The following ENPP2 variants were observed in gnomAD, a reference collection of about 807,000 sequenced individuals.
The protein encoded by ENPP2 is ectonucleotide pyrophosphatase/phosphodiesterase 2, also known as autotaxin.
A neutral mutation model predicts 120.2 loss-of-function variants in ENPP2; 51 were observed. The ratio of observed to expected loss-of-function variants is 0.42; its 90% CI spans 0.34 to 0.54. ENPP2 has a LOEUF of 0.54. ENPP2 is among the 20% of genes least tolerant of loss of function. The probability of loss-of-function intolerance (pLI) is 0.04; values close to 1 mark genes in which losing one functional copy is unlikely to be tolerated. For synonymous variants in ENPP2, 365 were observed against 366.4 expected (o/e 1.00, Z 0.04); for missense variants, 920 against 1,066.5 (o/e 0.86, Z 1.91).
intron 1 of ENPP2, among the ~76,000 whole-genome samples, chr8:119,660,812 G>C (rs182558963): frequency 1.3e-5 from 2 of 152,300 alleles, no homozygotes; most frequent in East Asian, 3.9e-4. Context: ...TAGTGCGAAA[G>C]TGGTCATGAA....
Position 119,621,040 on chromosome 8 carries a change from G to A in ENPP2, c.418+354C>T, listed in dbSNP as rs186205610. Among the ~76,000 whole-genome samples, 80 of 152,216 alleles carry A rather than the reference G, an allele frequency of 5.3e-4. 1 individual carries two copies. Among genetic ancestry groups the A allele is most frequent in the Non-Finnish European group, 1.0e-3 (69 of 68,016 alleles). ...TCCCTATCCTGCTTCCCTTTCCTCCGACATGGTTTTCCTGCAGTATATCCG... is the reference window on the plus strand; with the variant it reads ...TCCCTATCCTGCTTCCCTTTCCTCCAACATGGTTTTCCTGCAGTATATCCG... On this transcript the variant is annotated intron_variant, in intron 4 of 24. Coordinates refer to ENST00000075322, the MANE Select transcript of ENPP2 (RefSeq NM_001040092.3).
At chr8:119,600,333 A>AT (rs926085868) in intron 11 of ENPP2, among the ~76,000 whole-genome samples, 10 of 151,960 alleles carry the variant, frequency 6.6e-5, no homozygotes, top group African/African-American at 2.4e-4. Flanking sequence ...TCATCTCAAG[A>AT]TTTTTTTCCA....
At chr8:119,602,261 CA>C (rs1814366780) in intron 9 of ENPP2, among the ~76,000 whole-genome samples, 1 of 152,034 alleles carries the variant, frequency 6.6e-6, no homozygotes, top group South Asian at 2.1e-4. Context: ...AGTTCGAGAC[CA>C]GCCTGACCAG....
chr8:119,564,796 C>T lies in ENPP2; in HGVS notation c.2264+27G>A, dbSNP rs182590000. The T allele has an allele frequency of 5.3e-5, 85 of 1,600,518 alleles. No individual in the cohort carries two copies. The Middle Eastern group carries it at 6.7e-4, about 13-fold the overall frequency. ...GTGAGATCTTGGGACTTAAAAATCA[C>T]ACACTGAGTAGAAATGAAACGCTTA... is the stretch of plus-strand genomic sequence containing the variant. On this transcript the variant is annotated intron_variant, in intron 23 of 24. Coordinates refer to ENST00000075322, the MANE Select transcript of ENPP2 (RefSeq NM_001040092.3).
chr8:119,617,957 AT>A (rs1043782514), intron 5 of ENPP2, among the ~76,000 whole-genome samples: 35 of 152,186 alleles, frequency 2.3e-4, no homozygotes, highest in African/African-American at 7.5e-4. Flanking sequence ...CTCAAAAAAA[AT>A]ATAATAAAAT....
Position 119,583,793 on chromosome 8 carries a change from T to A in ENPP2, c.1467A>T (p.Val489=), listed in dbSNP as rs1453580177. ...TGTACTTAAATGTTGAGCCATAACC[T>A]ACAAAAACAGTCTTCCAAAAGAAAA... The part of the protein sequence containing the change: ...NKVNSMQTVF[V]GYGSTFKYKT... The change falls in exon 17 of 25, where the codon GTA becomes GTT. Residue 489 remains valine (V), a synonymous_variant. Transcript: ENST00000075322. 6.3e-7 allele frequency: 1 copy of A among 1,588,356 alleles called. No individual in the cohort carries two copies. The highest frequency in any genetic ancestry group is 1.1e-5 in the South Asian group (1 of 89,164).
At chr8:119,671,842 T>G (rs1310317635) in intron 1 of ENPP2, among the ~76,000 whole-genome samples, 1 of 152,160 alleles carries the variant, frequency 6.6e-6, no homozygotes, top group African/African-American at 2.4e-5. Context: ...GAAAGAGCAG[T>G]GCACACAAAC....
At chr8:119,622,869 T>C (rs1457353086) in intron 3 of ENPP2, among the ~76,000 whole-genome samples, 1 of 152,030 alleles carries the variant, frequency 6.6e-6, no homozygotes, top group Non-Finnish European at 1.5e-5. Flanking sequence ...GAGCTTACAT[T>C]CCAATTGGAA....
At chr8:119,673,325 G>A (rs1392854394) in exon 1 of ENPP2, 2 of 1,533,034 alleles carry the variant, frequency 1.3e-6, no homozygotes, top group African/African-American at 2.7e-5. Context: ...ACGCGGCCTG[G>A]GCTGCAGCCC....
intron 4 of ENPP2, among the ~76,000 whole-genome samples, 156 bp downstream of exon 4, chr8:119,621,238 A>AAAACT: frequency 6.6e-6 from 1 of 152,232 alleles, no homozygotes; most frequent in Admixed American, 6.5e-5. Context: ...ACAGAGTAGC[A>AAAACT]AAACTAATGA....
At position 119,587,064 on chromosome 8, in the gene ENPP2, C is replaced by T; in HGVS notation, c.1219G>A (p.Ala407Thr). The T allele has an allele frequency of 1.9e-6, 3 of 1,608,868 alleles. No individual in the cohort carries two copies. Among genetic ancestry groups the T allele is most frequent in the Non-Finnish European group, 2.5e-6 (3 of 1,177,998 alleles). ...FSNNAKYDPK[A>T]IIANLTCKKP... ...CTTACCGTGAGATTGGCAATAATGG[C>T]TTTGGGGTCATCTGTTCAAAGAGAG... Residue 407 changes from alanine to threonine, a missense_variant, in exon 14 of 25, where the codon GCC (alanine) becomes ACC (threonine). By Grantham distance (58) the Ala-to-Thr change is moderately conservative. Coordinates refer to ENST00000075322, the MANE Select transcript of ENPP2 (RefSeq NM_001040092.3).
In ENPP2 at chr8:119,590,642, G is replaced by A. The variant is rs1813429885; in HGVS notation, c.1082-12C>T. The A allele has an allele frequency of 2.7e-6, 4 of 1,469,594 alleles. No individual in the cohort carries two copies. The highest frequency in any genetic ancestry group is 2.6e-5 in the East Asian group (1 of 38,696). The allele number at this position is 1,469,594 out of a possible 1,614,324, so 91.0% of individuals were successfully genotyped here. ...GACATCTTCCATTCCTATGGGGAGG[G>A]AGAAAAAGAATATTTTCAGGCAAGA... On this transcript the variant is annotated splice_polypyrimidine_tract_variant and intron_variant, in intron 12 of 24. Coordinates refer to ENST00000075322, the MANE Select transcript of ENPP2 (RefSeq NM_001040092.3).
intron 11 of ENPP2, among the ~76,000 whole-genome samples, chr8:119,598,070 G>A (rs996906196): frequency 1.3e-5 from 2 of 152,098 alleles, no homozygotes; most frequent in Non-Finnish European, 2.9e-5. Flanking sequence ...ATGATATATA[G>A]GTAGGCATAT....
intron 2 of ENPP2, among the ~76,000 whole-genome samples, chr8:119,633,182 A>T (rs1226099515): frequency 1.3e-5 from 2 of 152,220 alleles, no homozygotes; most frequent in Non-Finnish European, 2.9e-5. Flanking sequence ...ACATTACTTG[A>T]TCTAAGGCTC....
intron 1 of ENPP2, among the ~76,000 whole-genome samples, chr8:119,666,510 A>G (rs11992770): frequency 0.35 from 53,173 of 152,028 alleles, 9,588 homozygotes; most frequent in East Asian, 0.55. Flanking sequence ...GCTGGGCGTG[A>G]TGGCTCACAC....
At chr8:119,559,128 T>C (rs1813712152) in intron 24 of ENPP2, among the ~76,000 whole-genome samples, 1 of 152,114 alleles carries the variant, frequency 6.6e-6, no homozygotes, top group Non-Finnish European at 1.5e-5. Flanking sequence ...ATCTCTGCGA[T>C]TCACAGGAAA....
chr8:119,599,886 A>G (rs1196565032), intron 11 of ENPP2, among the ~76,000 whole-genome samples: 2 of 152,082 alleles, frequency 1.3e-5, no homozygotes, highest in African/African-American at 4.8e-5. Context: ...GCACGCCTGT[A>G]ATCCCAGCTA....
chr8:119,632,562 G>T (rs775845895), intron 2 of ENPP2, among the ~76,000 whole-genome samples: 1 of 152,104 alleles, frequency 6.6e-6, no homozygotes, highest in Non-Finnish European at 1.5e-5. Flanking sequence ...AATACACATA[G>T]GTACATATAT....
At chr8:119,594,544 A>G (rs1387352403) in intron 11 of ENPP2, among the ~76,000 whole-genome samples, 1 of 152,234 alleles carries the variant, frequency 6.6e-6, no homozygotes, top group African/African-American at 2.4e-5. Flanking sequence ...TTAACAAAAT[A>G]TGAAAACTCA....
Sources: gnomAD v4.1 joint callset for allele counts (sites outside exome capture counted in the v4.1 genomes callset) on GRCh38, gnomAD v4.1.1 for gene constraint, MANE v1.5 for transcripts, NCBI Gene and HGNC (gene_info 2026-07-23, HGNC 2026-07-21) for gene names.